The following SLC25A48 variants were observed in gnomAD, a reference collection of about 807,000 sequenced individuals.
SLC25A48 encodes the protein CTC-321K16.1.
In SLC25A48, 29 loss-of-function variants were observed where a neutral mutation model predicts 32.2. The ratio of observed to expected loss-of-function variants is 0.90; its 90% confidence interval spans 0.67 to 1.23. The LOEUF (loss-of-function observed/expected upper bound fraction) is 1.23, where lower values mean the gene tolerates loss of function less well. Among genes scored for constraint, SLC25A48 ranks in the 50% most tolerant of loss-of-function variants. The pLI, the probability that SLC25A48 is intolerant of heterozygous loss-of-function variation, is 0.00. For missense variants in SLC25A48, 399 were observed against 422.7 expected (o/e 0.94, Z 0.49); for synonymous variants, 164 against 172.3 (o/e 0.95, Z 0.38).
Position 135,885,654 on chromosome 5 carries a change from A to G in SLC25A48, c.*8-2378A>G, listed in dbSNP as rs559870759. On this transcript the variant is annotated intron_variant, in intron 7 of 7. Coordinates refer to ENST00000681962, the MANE Select transcript of SLC25A48 (RefSeq NM_001349336.2). ...TCAGAGCCAGGGCTGAGTCTTCCCA[A>G]TCCTTAGATTCAGCATAGCAGCAAG... Among the ~76,000 whole-genome samples the G allele has an allele frequency of 3.9e-5, 6 of 152,266 alleles. No individual in the cohort carries two copies. The East Asian group carries it at 1.2e-3, about 29-fold the overall frequency.
At chr5:135,711,094 C>G (rs1211647263) in intron 3 of SLC25A48, among the ~76,000 whole-genome samples, 1 of 152,140 alleles carries the variant, frequency 6.6e-6, no homozygotes, top group East Asian at 1.9e-4. Flanking sequence ...GGGAAATGCC[C>G]AAGTTCCCAT....
intron 3 of SLC25A48, among the ~76,000 whole-genome samples, chr5:135,644,786 G>T (rs940645711): frequency 6.6e-6 from 1 of 152,134 alleles, no homozygotes; most frequent in Non-Finnish European, 1.5e-5. Flanking sequence ...CCTCATGCCC[G>T]GGAGGTCACT....
At chr5:135,879,224 A>G (rs1360403302) in intron 6 of SLC25A48, among the ~76,000 whole-genome samples, 1 of 152,138 alleles carries the variant, frequency 6.6e-6, no homozygotes, top group Non-Finnish European at 1.5e-5. Context: ...TAGGTGATAG[A>G]CTATTGATAA....
chr5:135,599,986 A>G (rs1004392059), intron 1 of SLC25A48, among the ~76,000 whole-genome samples: 4 of 152,050 alleles, frequency 2.6e-5, no homozygotes, highest in Non-Finnish European at 5.9e-5. Context: ...GAAAAAAAAA[A>G]ACATTTGTAT....
chr5:135,781,348 G>A lies in SLC25A48; in HGVS notation c.-520-31175G>A, dbSNP rs551636847. 5.1e-5 allele frequency among the ~76,000 whole-genome samples: 6 copies of A among 116,874 alleles called. 3 individuals are homozygous for A. Among genetic ancestry groups the A allele is most frequent in the South Asian group, 6.1e-4 (2 of 3,304 alleles). 76.7% of individuals were successfully genotyped at this position (116,874 alleles called of 152,430 possible). ...TAGGGATGACATTACTCTCCATATC[G>A]CGGATGTGTACGCCTCTCTGTGATC... is the stretch of plus-strand genomic sequence containing the variant. On this transcript the variant is annotated intron_variant, in intron 3 of 10. Transcript: ENST00000646290.
At chr5:135,775,765 G>A (rs1026712573) in intron 3 of SLC25A48, among the ~76,000 whole-genome samples, 4 of 151,644 alleles carry the variant, frequency 2.6e-5, no homozygotes, top group Admixed American at 2.6e-4. Flanking sequence ...CACAGGGCAT[G>A]TACACCCCTC....
upstream of SLC25A48, among the ~76,000 whole-genome samples, chr5:135,832,342 A>C (rs182858031): frequency 1.1e-4 from 17 of 152,302 alleles, no homozygotes; most frequent in East Asian, 2.3e-3. Flanking sequence ...TGAGGGCAGG[A>C]ATCTGGAAGC....
intron 3 of SLC25A48, among the ~76,000 whole-genome samples, chr5:135,802,067 G>A (rs893015391): frequency 2.0e-5 from 3 of 151,624 alleles, no homozygotes; most frequent in Non-Finnish European, 4.4e-5. Flanking sequence ...CATTGCAAGG[G>A]TTGTACACTC....
intron 4 of SLC25A48, among the ~76,000 whole-genome samples, chr5:135,820,103 C>T (rs1280512218): frequency 6.6e-6 from 1 of 152,112 alleles, no homozygotes; most frequent in African/African-American, 2.4e-5. Flanking sequence ...AAACTATACC[C>T]ACTCAAAGAC....
chr5:135,660,301 C>T (rs1390411698), intron 3 of SLC25A48, among the ~76,000 whole-genome samples: 2 of 152,210 alleles, frequency 1.3e-5, no homozygotes, highest in Non-Finnish European at 2.9e-5. Context: ...AATCAAGATG[C>T]AGTGAGTTCG....
At chr5:135,607,106 C>T (rs760283137) in intron 1 of SLC25A48, among the ~76,000 whole-genome samples, 1 of 152,176 alleles carries the variant, frequency 6.6e-6, no homozygotes, top group Non-Finnish European at 1.5e-5. Context: ...TTCTCATGCC[C>T]CATGGCTGCC....
At chr5:135,660,011 T>C (rs1561779259) in intron 3 of SLC25A48, among the ~76,000 whole-genome samples, 1 of 152,178 alleles carries the variant, frequency 6.6e-6, no homozygotes, top group Admixed American at 6.5e-5. Flanking sequence ...GAAGCACAAA[T>C]GGTTTTGGTA....
chr5:135,720,990 T>C (rs1484862569), intron 3 of SLC25A48, among the ~76,000 whole-genome samples: 2 of 151,946 alleles, frequency 1.3e-5, no homozygotes, highest in Non-Finnish European at 2.9e-5. Context: ...TTAGGGTAGG[T>C]AGCAGAGGGA....
intron 3 of SLC25A48, among the ~76,000 whole-genome samples, chr5:135,776,768 C>A (rs1487183509): frequency 2.0e-5 from 3 of 151,716 alleles, no homozygotes; most frequent in Non-Finnish European, 4.4e-5. Context: ...CCCAATATTG[C>A]AGGGGTTGTA....
intron 3 of SLC25A48, among the ~76,000 whole-genome samples, chr5:135,666,708 G>A (rs1328549039): frequency 6.6e-6 from 1 of 151,798 alleles, no homozygotes; most frequent in Non-Finnish European, 1.5e-5. Flanking sequence ...TTTAGGGGAA[G>A]GAAACCTTGT....
chr5:135,876,862 C>T (rs1406747951), intron 6 of SLC25A48, among the ~76,000 whole-genome samples: 1 of 152,186 alleles, frequency 6.6e-6, no homozygotes, highest in Non-Finnish European at 1.5e-5. Flanking sequence ...TCCAGTGCCC[C>T]AGGGGTGGCT....
intron 4 of SLC25A48, among the ~76,000 whole-genome samples, chr5:135,820,839 G>C (rs1420697503): frequency 6.6e-6 from 1 of 152,142 alleles, no homozygotes; most frequent in African/African-American, 2.4e-5. Flanking sequence ...AAAAGAAAAT[G>C]GCCCAGCAGT....
intron 3 of SLC25A48, among the ~76,000 whole-genome samples, chr5:135,681,806 C>T (rs4557400): frequency 0.75 from 114,448 of 152,006 alleles, 43,579 homozygotes; most frequent in Middle Eastern, 0.85. Flanking sequence ...AGTTTTTTTT[C>T]GTTAATGAGG....
intron 4 of SLC25A48, among the ~76,000 whole-genome samples, chr5:135,866,434 T>C (rs1342730633): frequency 2.0e-5 from 3 of 152,218 alleles, no homozygotes; most frequent in African/African-American, 4.8e-5. Context: ...GCACAGTGAC[T>C]TTCTGTGGCT....
Sources: gnomAD v4.1 joint callset for allele counts (sites outside exome capture counted in the v4.1 genomes callset) on GRCh38, gnomAD v4.1.1 for gene constraint, MANE v1.5 for transcripts, NCBI Gene and HGNC (gene_info 2026-07-23, HGNC 2026-07-21) for gene names.